The following CRISPLD1 variants were observed in gnomAD, a reference collection of about 807,000 sequenced individuals.
CRISPLD1 encodes the protein cysteine-rich secretory protein LCCL domain-containing 1.
CRISPLD1 carries 60 observed loss-of-function variants against 77.5 expected under a neutral mutation model. That is an observed-to-expected ratio of 0.77 (90% confidence interval 0.63 to 0.96). The LOEUF (loss-of-function observed/expected upper bound fraction) is 0.96. Among genes scored for constraint, CRISPLD1 ranks in the 40% least tolerant of loss-of-function variants. CRISPLD1 has a pLI of 0.00. For missense variants in CRISPLD1, 623 were observed against 615.8 expected, an observed-to-expected ratio of 1.01 and a Z score of -0.12; for synonymous variants, 195 against 200.1, an observed-to-expected ratio of 0.97 and a Z score of 0.22.
At chr8:74,998,441 A>G (rs954853420) in intron 2 of CRISPLD1, among the ~76,000 whole-genome samples, 2 of 152,024 alleles carry the variant, frequency 1.3e-5, no homozygotes, top group Admixed American at 1.3e-4. Context: ...CGGTAATATC[A>G]GCCCTTGGTT....
chr8:75,015,031 T>C, intron 6 of CRISPLD1, 119 bp downstream of exon 6: 1 of 490,508 alleles, frequency 2.0e-6, no homozygotes, highest in Non-Finnish European at 3.6e-6. Flanking sequence ...TATCTAGAAC[T>C]CTATTTCAAA....
intron 2 of CRISPLD1, among the ~76,000 whole-genome samples, chr8:75,005,408 T>TAAAC (rs35390407): frequency 0.25 from 38,616 of 151,770 alleles, 6,453 homozygotes; most frequent in African/African-American, 0.49. Context: ...AATTTGGAAA[T>TAAAC]AATTTAAATG....
chr8:75,024,758 C>A (rs940307508), intron 12 of CRISPLD1, among the ~76,000 whole-genome samples: 1 of 152,076 alleles, frequency 6.6e-6, no homozygotes, highest in African/African-American at 2.4e-5. Context: ...CCAGAGTTAC[C>A]ATGATTGAGG....
chr8:75,010,448 A>T (rs1312437289), intron 2 of CRISPLD1, among the ~76,000 whole-genome samples: 1 of 152,122 alleles, frequency 6.6e-6, no homozygotes, highest in African/African-American at 2.4e-5. Context: ...AGCTTCTGCC[A>T]CATTTCTCTT....
chr8:75,012,240 A>G (rs2128785066), intron 2 of CRISPLD1, among the ~76,000 whole-genome samples, 193 bp from the exon 3 acceptor site: 1 of 152,214 alleles, frequency 6.6e-6, no homozygotes, highest in Admixed American at 6.6e-5. Flanking sequence ...GAGGGTTAAG[A>G]GGTAGAGACG....
chr8:74,985,382 T>C lies in CRISPLD1; in HGVS notation c.-63+462T>C, dbSNP rs543759980. On this transcript the variant is annotated intron_variant, in intron 1 of 14. Transcript: ENST00000262207. Reference sequence around the variant, plus strand: ...GGGGCCCCCTAGATGTAGCCATGGATGCATATATGAATAGCCTTTTGTATT... The same window carrying C: ...GGGGCCCCCTAGATGTAGCCATGGACGCATATATGAATAGCCTTTTGTATT... Among the ~76,000 whole-genome samples the C allele has an allele frequency of 3.9e-5, 6 of 152,296 alleles. No individual in the cohort carries two copies. In the East Asian group the frequency reaches 1.2e-3, roughly 29 times the overall value.
chr8:75,032,529 G>A lies in CRISPLD1; in HGVS notation c.*287G>A, dbSNP rs148825325. 1.3e-3 allele frequency: 246 copies of A among 185,456 alleles called. 1 individual carries two copies. The highest frequency in any genetic ancestry group is 5.5e-3 in the African/African-American group (233 of 42,034). 11.5% of individuals were successfully genotyped at this position (185,456 alleles called of 1,614,324 possible). ...AATTACATAGTCATGATTGTTCTAC[G>A]TTTCATATATTATATGGTGCTTTGT... On this transcript the variant is annotated 3_prime_UTR_variant, in exon 15 of 15. Transcript: ENST00000262207.
intron 12 of CRISPLD1, among the ~76,000 whole-genome samples, chr8:75,021,398 T>G (rs1813134012): frequency 6.6e-6 from 1 of 152,170 alleles, no homozygotes. Flanking sequence ...AATGCAAGAG[T>G]GCTGTTGTAA....
chr8:74,986,026 A>T lies in CRISPLD1; in HGVS notation c.39A>T (p.Thr13=). 6.2e-7 allele frequency: 1 copy of T among 1,614,202 alleles called. No homozygotes were observed. The highest frequency in any genetic ancestry group is 8.5e-7 in the Non-Finnish European group (1 of 1,180,036). ...CGCGGGAGTGGCTCAGAGTAACCAC[A>T]GTGCTGTTCATGGCTAGAGCAATTC... ...CTAREWLRVT[T]VLFMARAIPA... The change falls in exon 2 of 15, where the codon ACA becomes ACT. Residue 13 remains threonine, a synonymous_variant. Transcript: ENST00000262207.
At chr8:75,008,191 T>TA (rs1471369453) in intron 2 of CRISPLD1, among the ~76,000 whole-genome samples, 1 of 152,154 alleles carries the variant, frequency 6.6e-6, no homozygotes, top group Non-Finnish European at 1.5e-5. Flanking sequence ...AGTTGGGAAA[T>TA]AGAGTTGTTT....
chr8:75,030,076 A>G lies in CRISPLD1; in HGVS notation c.1451+559A>G, dbSNP rs148795022. ...GAAAATTCATGTAACTCACTTTATC[A>G]GGTATCAATAAATATTAAAATAAAT... On this transcript the variant is annotated intron_variant, in intron 14 of 14. Transcript: ENST00000262207. 2.8e-4 allele frequency among the ~76,000 whole-genome samples: 42 copies of G among 152,292 alleles called. 1 individual carries two copies. Among genetic ancestry groups the G allele is most frequent in the African/African-American group, 8.9e-4 (37 of 41,572 alleles).
Position 75,029,487 on chromosome 8 carries a change from C to T in CRISPLD1, c.1421C>T (p.Ala474Val). The T allele has an allele frequency of 6.2e-7, 1 of 1,613,548 alleles. No individual in the cohort carries two copies. The highest frequency in any genetic ancestry group is 8.5e-7 in the Non-Finnish European group (1 of 1,179,640). ...MPVDKRKTYIASFQNGIFSES... is the reference protein window; with the variant it reads ...MPVDKRKTYIVSFQNGIFSES... The stretch of plus-strand genomic sequence containing the variant: ...GTGGACAAAAGAAAGACCTACATTG[C>T]TTCTTTTCAGAATGGAATCTTCTCA... The change falls in exon 14 of 15, where the codon GCT becomes GTT. Residue 474 changes from alanine to valine, a missense_variant. By Grantham distance (64) the Ala-to-Val change is moderately conservative. Coordinates refer to ENST00000262207, the MANE Select transcript of CRISPLD1 (RefSeq NM_031461.6).
At position 75,007,940 on chromosome 8, in the gene CRISPLD1, CA is replaced by C. The variant is rs1310942480; in HGVS notation, c.259-4490del. On this transcript the variant is annotated intron_variant, in intron 2 of 14. Coordinates refer to ENST00000262207, the MANE Select transcript of CRISPLD1 (RefSeq NM_031461.6). Reference sequence around the variant, plus strand: ...GTGATCCTACCACCCTCGCCTCCCGCAAAGTGCTGGGAATATGGGCATGAGC... The same window carrying C: ...GTGATCCTACCACCCTCGCCTCCCGCAAGTGCTGGGAATATGGGCATGAGC... 7.9e-5 allele frequency among the ~76,000 whole-genome samples: 12 copies of C among 152,134 alleles called. No individual in the cohort carries two copies. In the East Asian group the frequency reaches 2.3e-3, roughly 29 times the overall value.
chr8:74,990,466 TC>T (rs1812555647), intron 2 of CRISPLD1, among the ~76,000 whole-genome samples: 1 of 152,142 alleles, frequency 6.6e-6, no homozygotes, highest in Non-Finnish European at 1.5e-5. Flanking sequence ...TCCCAACTTT[TC>T]ATTTCTGTCC....
Position 75,029,534 on chromosome 8 carries a change from T to C in CRISPLD1, c.1451+17T>C, listed in dbSNP as rs1813297272. 3 of 1,606,734 alleles carry C rather than the reference T, an allele frequency of 1.9e-6. No homozygotes were observed. The highest frequency in any genetic ancestry group is 1.3e-5 in the African/African-American group (1 of 74,744). On this transcript the variant is annotated intron_variant, in intron 14 of 14. Coordinates refer to ENST00000262207, the MANE Select transcript of CRISPLD1 (RefSeq NM_031461.6). ...CTCAGAAAGGTAAAAACAAAACATA[T>C]GTATGTATACTTTTAAATACCATCT...
At chr8:75,022,000 A>G (rs1813143981) in intron 12 of CRISPLD1, among the ~76,000 whole-genome samples, 1 of 152,160 alleles carries the variant, frequency 6.6e-6, no homozygotes, top group Admixed American at 6.5e-5. Flanking sequence ...ATAAAGGGTA[A>G]TTTTATAACT....
intron 2 of CRISPLD1, chr8:75,000,386 C>T (rs958234599): frequency 4.1e-6 from 4 of 985,196 alleles, no homozygotes; most frequent in Admixed American, 1.2e-4. Flanking sequence ...AAGAGGTCTG[C>T]TAAATCAAGA....
intron 2 of CRISPLD1, among the ~76,000 whole-genome samples, chr8:74,998,643 G>A (rs899485811): frequency 3.1e-5 from 4 of 131,024 alleles, no homozygotes; most frequent in South Asian, 4.8e-4. Flanking sequence ...AGCCAAGATC[G>A]TGCCACTGCA....
rs762360346 is a variant in CRISPLD1 at position 75,025,535 on chromosome 8, AT to A, written c.1245-4del. On this transcript the variant is annotated splice_polypyrimidine_tract_variant and intron_variant, in intron 12 of 14. Transcript: ENST00000262207. Reference sequence around the variant, plus strand: ...TTACTTAATATATATATAATATATTATTTTTTTCAGAGTATACTGTCCTCGT... The same window carrying A: ...TTACTTAATATATATATAATATATTATTTTTTCAGAGTATACTGTCCTCGT... 4 of 1,365,212 alleles carry A rather than the reference AT, an allele frequency of 2.9e-6. No homozygotes were observed. Among genetic ancestry groups the A allele is most frequent in the Non-Finnish European group, 4.1e-6 (4 of 987,492 alleles). The allele number at this position is 1,365,212 out of a possible 1,614,324, so 84.6% of individuals were successfully genotyped here.
Sources: allele counts gnomAD v4.1 joint callset (sites outside exome capture counted in the v4.1 genomes callset), GRCh38; gene constraint gnomAD v4.1.1; transcripts MANE v1.5; gene names NCBI Gene and HGNC (gene_info 2026-07-23, HGNC 2026-07-21).